The following NKAIN3 variants were observed in gnomAD, a reference collection of about 807,000 sequenced individuals.
The protein encoded by NKAIN3 is sodium/potassium transporting ATPase interacting 3.
Under a neutral mutation model 30.2 loss-of-function variants are expected in NKAIN3, and 25 were observed. The ratio of observed to expected loss-of-function variants is 0.83; its 90% CI spans 0.60 to 1.16. NKAIN3 has a LOEUF of 1.16. Ranked by LOEUF, NKAIN3 falls within the 50% of genes most tolerant of loss-of-function variation. The pLI, the probability that NKAIN3 is intolerant of heterozygous loss-of-function variation, is 0.00. For synonymous variants in NKAIN3, 91 were observed against 89.6 expected (o/e 1.02, Z -0.09); for missense variants, 225 against 254.1 (o/e 0.89, Z 0.78).
chr8:62,294,437 T>A (rs906280353), intron 1 of NKAIN3, among the ~76,000 whole-genome samples: 24 of 152,204 alleles, frequency 1.6e-4, no homozygotes, highest in Non-Finnish European at 4.4e-5. Context: ...CTTTCCCTCA[T>A]ATTCAGTATT....
At chr8:62,945,618 A>G (rs772166871) in intron 5 of NKAIN3, among the ~76,000 whole-genome samples, 6 of 152,194 alleles carry the variant, frequency 3.9e-5, no homozygotes, top group Non-Finnish European at 7.3e-5. Context: ...AAAGGCACAT[A>G]AATTTTGGAA....
At chr8:62,253,344 G>A (rs971800538) in intron 1 of NKAIN3, among the ~76,000 whole-genome samples, 1 of 152,194 alleles carries the variant, frequency 6.6e-6, no homozygotes, top group African/African-American at 2.4e-5. Flanking sequence ...GGGAAGCCAA[G>A]GTAGGAGGAT....
chr8:62,643,105 A>G (rs1433421407), intron 3 of NKAIN3, among the ~76,000 whole-genome samples: 1 of 152,282 alleles, frequency 6.6e-6, no homozygotes, highest in Admixed American at 6.5e-5. Context: ...TCTTTAAGAT[A>G]ACTTGGCACC....
intron 3 of NKAIN3, among the ~76,000 whole-genome samples, chr8:62,709,655 T>A (rs1472891109): frequency 6.6e-6 from 1 of 152,172 alleles, no homozygotes; most frequent in African/African-American, 2.4e-5. Flanking sequence ...ATTTTATTTA[T>A]CCTTTCAAAG....
chr8:62,860,782 C>T (rs1452612691), intron 4 of NKAIN3, among the ~76,000 whole-genome samples: 1 of 152,238 alleles, frequency 6.6e-6, no homozygotes, highest in Admixed American at 6.5e-5. Flanking sequence ...TTGTTCCTGA[C>T]AACTTGTGTT....
At chr8:62,576,584 G>C (rs1810116228) in intron 1 of NKAIN3, among the ~76,000 whole-genome samples, 1 of 152,102 alleles carries the variant, frequency 6.6e-6, no homozygotes, top group Non-Finnish European at 1.5e-5. Flanking sequence ...ATATTCAGTG[G>C]TGTGCAGGTA....
chr8:62,633,611 A>G (rs1307891455), intron 3 of NKAIN3, among the ~76,000 whole-genome samples: 2 of 152,182 alleles, frequency 1.3e-5, no homozygotes, highest in Non-Finnish European at 2.9e-5. Context: ...AGGGCAGTCT[A>G]TGAAATGCCT....
At chr8:62,930,796 C>T (rs888621584) in intron 5 of NKAIN3, among the ~76,000 whole-genome samples, 12 of 151,774 alleles carry the variant, frequency 7.9e-5, no homozygotes, top group East Asian at 2.0e-4. Flanking sequence ...CTCTGCCTCC[C>T]GGGTTCATGC....
intron 3 of NKAIN3, among the ~76,000 whole-genome samples, chr8:62,705,563 C>T (rs1173554628): frequency 6.6e-6 from 1 of 152,048 alleles, no homozygotes; most frequent in Admixed American, 6.5e-5. Context: ...ATTTTGTGTC[C>T]TTTGCCTTTC....
At chr8:62,906,993 T>C (rs1821796324) in intron 4 of NKAIN3, among the ~76,000 whole-genome samples, 1 of 152,150 alleles carries the variant, frequency 6.6e-6, no homozygotes, top group Admixed American at 6.5e-5. Context: ...CAGGAAGGTG[T>C]GAAAAAGTTT....
At chr8:62,817,040 C>A (rs1000175427) in intron 4 of NKAIN3, among the ~76,000 whole-genome samples, 4 of 152,134 alleles carry the variant, frequency 2.6e-5, no homozygotes, top group Non-Finnish European at 5.9e-5. Context: ...GGCTCCAAGC[C>A]ATTCTCCCAG....
chr8:62,802,050 G>A (rs367989260), intron 4 of NKAIN3, among the ~76,000 whole-genome samples: 8 of 152,218 alleles, frequency 5.3e-5, no homozygotes, highest in South Asian at 2.1e-4. Flanking sequence ...GAAATGAAGC[G>A]AGAAGGGAAG....
At chr8:62,793,330 A>C (rs980411869) in intron 4 of NKAIN3, among the ~76,000 whole-genome samples, 5 of 151,918 alleles carry the variant, frequency 3.3e-5, no homozygotes, top group Admixed American at 3.3e-4. Context: ...GTCAATTGAC[A>C]TTTTTTACTT....
chr8:62,505,834 T>A (rs925683919), intron 1 of NKAIN3, among the ~76,000 whole-genome samples: 1 of 152,294 alleles, frequency 6.6e-6, no homozygotes, highest in South Asian at 2.1e-4. Context: ...AGTTATCTTA[T>A]AATTCTGTAG....
intron 4 of NKAIN3, among the ~76,000 whole-genome samples, chr8:62,889,965 G>T (rs1258192283): frequency 1.3e-5 from 2 of 152,134 alleles, no homozygotes; most frequent in African/African-American, 2.4e-5. Flanking sequence ...ATATGATTTT[G>T]GTTGGTTTCA....
chr8:62,777,306 T>A (rs1178042800), intron 4 of NKAIN3, among the ~76,000 whole-genome samples: 1 of 152,290 alleles, frequency 6.6e-6, no homozygotes, highest in East Asian at 1.9e-4. Flanking sequence ...TCTGTCTACC[T>A]CCACTTTACA....
intron 1 of NKAIN3, among the ~76,000 whole-genome samples, chr8:62,528,773 G>A (rs1297379155): frequency 2.6e-5 from 4 of 152,026 alleles, no homozygotes; most frequent in Admixed American, 2.6e-4. Context: ...CCGGTATGAC[G>A]TGGTTTTCTG....
intron 1 of NKAIN3, among the ~76,000 whole-genome samples, chr8:62,310,789 C>T (rs1322618113): frequency 6.7e-6 from 1 of 150,154 alleles, no homozygotes; most frequent in Non-Finnish European, 1.5e-5. Context: ...TATATAAGAC[C>T]CTGAATCAAC....
chr8:62,371,825 C>T (rs1475137728), intron 1 of NKAIN3, among the ~76,000 whole-genome samples: 2 of 151,884 alleles, frequency 1.3e-5, no homozygotes, highest in Admixed American at 6.6e-5. Context: ...ATTCTGCTTT[C>T]TGTGAACAGT....
Sources: gnomAD v4.1 joint callset for allele counts (sites outside exome capture counted in the v4.1 genomes callset) on GRCh38, gnomAD v4.1.1 for gene constraint, MANE v1.5 for transcripts, NCBI Gene and HGNC (gene_info 2026-07-23, HGNC 2026-07-21) for gene names.